SH3BP2: variants seen among roughly 807,000 people sequenced by gnomAD.
SH3BP2 encodes the protein SH3 domain binding protein 2.
Under a neutral mutation model 56.2 loss-of-function variants are expected in SH3BP2, and 38 were observed. The observed-to-expected ratio is 0.68, with a 90% CI of 0.52 to 0.89. The LOEUF is 0.89. SH3BP2 is among the 40% of genes least tolerant of loss of function. SH3BP2 has a pLI of 0.00. For missense variants in SH3BP2, 748 were observed against 762.6 expected, an observed-to-expected ratio of 0.98 and a Z score of 0.23; for synonymous variants, 346 against 316.7, an observed-to-expected ratio of 1.09 and a Z score of -0.98.
intron 1 of SH3BP2, among the ~76,000 whole-genome samples, chr4:2,816,875 G>C (rs897811813): frequency 1.3e-5 from 2 of 152,290 alleles, no homozygotes; most frequent in Admixed American, 1.3e-4. Context: ...TACCCATAAG[G>C]GATATTGGTT....
At position 2,838,911 on chromosome 4, in the gene SH3BP2, A is replaced by G. The variant is rs1725326082; in HGVS notation, c.*5077A>G. On this transcript the variant is annotated 3_prime_UTR_variant, in exon 13 of 13. Transcript: ENST00000503393. ...GAGTCTGACTCCTGGGTTCTAGGGT[A>G]TGAAGATCTTTCTAAATATTGTTCT... is the stretch of plus-strand genomic sequence containing the variant. The G allele has an allele frequency of 6.6e-6, 1 of 152,154 alleles. No homozygotes were observed. Among genetic ancestry groups the G allele is most frequent in the Non-Finnish European group, 1.5e-5 (1 of 68,038 alleles). The allele number at this position is 152,154 out of a possible 1,614,324, so 9.4% of individuals were successfully genotyped here.
intron 5 of SH3BP2, 161 bp from the exon 6 acceptor site, chr4:2,827,069 G>A (rs764057162): frequency 2.8e-6 from 2 of 705,228 alleles, no homozygotes; most frequent in African/African-American, 1.7e-5. Flanking sequence ...GTGTGTGTCT[G>A]TCAGCTTAAC....
At chr4:2,823,172 C>T (rs1207828952) in intron 3 of SH3BP2, 135 bp downstream of exon 3, 2 of 705,416 alleles carry the variant, frequency 2.8e-6, no homozygotes, top group African/African-American at 1.7e-5. Context: ...TGCCCATCCC[C>T]TGTCCTCCCC....
intron 1 of SH3BP2, chr4:2,793,579 C>T (rs533064775): frequency 6.6e-6 from 1 of 151,772 alleles, no homozygotes; most frequent in Non-Finnish European, 1.5e-5. Flanking sequence ...CTGTTTCGCA[C>T]CCCTCGCGCC....
intron 5 of SH3BP2, chr4:2,826,638 G>C (rs1724661122): frequency 3.1e-6 from 1 of 325,474 alleles, no homozygotes; most frequent in Admixed American, 4.4e-5. Context: ...GTGTTGCTCT[G>C]TGTGTGTGTG....
chr4:2,809,828 T>C, intron 1 of SH3BP2: 1 of 985,326 alleles, frequency 1.0e-6, no homozygotes, highest in Non-Finnish European at 1.2e-6. Flanking sequence ...CCACTCATCC[T>C]GGTAAGTGCC....
In SH3BP2 at chr4:2,833,804, G is replaced by A. The variant is rs1457574966; in HGVS notation, c.1656G>A (p.Arg552=). Residue 552 remains arginine, a synonymous_variant, in exon 13 of 13, where the codon CGG becomes CGA. Coordinates refer to ENST00000503393, the MANE Select transcript of SH3BP2 (RefSeq NM_001122681.2). ...VLPSHQSLLL[R]HPYGYTGPR is the part of the protein sequence containing the mutation. ...CCAGCCACCAGAGCCTGCTGCTGCG[G>A]CACCCCTACGGCTACACTGGGCCTA... 4 of 1,587,056 alleles carry A rather than the reference G, an allele frequency of 2.5e-6. No individual in the cohort carries two copies. Among genetic ancestry groups the A allele is most frequent in the Non-Finnish European group, 3.4e-6 (4 of 1,166,818 alleles).
At chr4:2,795,263 C>T (rs1000266564) in intron 1 of SH3BP2, among the ~76,000 whole-genome samples, 4 of 152,210 alleles carry the variant, frequency 2.6e-5, no homozygotes, top group African/African-American at 9.7e-5. Context: ...GGTTCCTGCC[C>T]ACATTGGACT....
In SH3BP2 at chr4:2,795,803, T is replaced by C. The variant is rs116783082; in HGVS notation, c.-5+2665T>C. Among the ~76,000 whole-genome samples, 129 of 152,194 alleles carry C rather than the reference T, an allele frequency of 8.5e-4. 2 individuals carry two copies. Among genetic ancestry groups the C allele is most frequent in the African/African-American group, 3.0e-3 (125 of 41,522 alleles). ...GGTGTGGTGAGGGTATGGAGGGGCC[T>C]GGGAGGCAAGGAGAAGGGGCCGTGC... On this transcript the variant is annotated intron_variant, in intron 1 of 12. Coordinates refer to ENST00000503393, the MANE Select transcript of SH3BP2 (RefSeq NM_001122681.2).
chr4:2,816,882 G>T (rs777263877), intron 1 of SH3BP2, among the ~76,000 whole-genome samples: 26 of 152,266 alleles, frequency 1.7e-4, no homozygotes, highest in Non-Finnish European at 3.1e-4. Flanking sequence ...AAGGGATATT[G>T]GTTTGTAGTT....
intron 1 of SH3BP2, among the ~76,000 whole-genome samples, chr4:2,819,957 G>A (rs926232973): frequency 6.6e-6 from 1 of 152,168 alleles, no homozygotes; most frequent in Non-Finnish European, 1.5e-5. Context: ...TGTGGTCCTC[G>A]CTTGGGCTCA....
At chr4:2,802,695 A>C (rs1039837088) in intron 1 of SH3BP2, among the ~76,000 whole-genome samples, 6 of 137,738 alleles carry the variant, frequency 4.4e-5, no homozygotes, top group Non-Finnish European at 9.3e-5. Flanking sequence ...GTATATATGT[A>C]TGTATGTATA....
chr4:2,816,157 C>T (rs185652295), intron 1 of SH3BP2, among the ~76,000 whole-genome samples: 7 of 152,070 alleles, frequency 4.6e-5, no homozygotes, highest in Admixed American at 2.6e-4. Context: ...CGGGTTCAAG[C>T]GATTCTCCTG....
chr4:2,810,343 C>T lies in SH3BP2; in HGVS notation c.-4-10271C>T, dbSNP rs932291446. Among the ~76,000 whole-genome samples the T allele has an allele frequency of 9.2e-5, 14 of 151,532 alleles. No individual in the cohort carries two copies. Among genetic ancestry groups the T allele is most frequent in the Non-Finnish European group, 2.1e-4 (14 of 67,890 alleles). ...CCCCTGTAGCATCACAGCATTGGACCAGGGCTGTGGGGGGAATGGGCCTGG... is the reference window on the plus strand; with the variant it reads ...CCCCTGTAGCATCACAGCATTGGACTAGGGCTGTGGGGGGAATGGGCCTGG... On this transcript the variant is annotated intron_variant, in intron 1 of 12. Coordinates refer to ENST00000503393, the MANE Select transcript of SH3BP2 (RefSeq NM_001122681.2). The surrounding 1 kb of genome is among the most constrained non-coding windows in gnomAD (Gnocchi z 4.2).
At chr4:2,812,038 T>C (rs1161746474) in intron 1 of SH3BP2, 9 of 556,836 alleles carry the variant, frequency 1.6e-5, no homozygotes, top group African/African-American at 1.6e-4. Context: ...AGCAGGGAGC[T>C]TCCTCCCAGG....
intron 2 of SH3BP2, among the ~76,000 whole-genome samples, chr4:2,822,546 C>T (rs1168298258): frequency 5.9e-5 from 9 of 152,194 alleles, no homozygotes; most frequent in Non-Finnish European, 1.3e-4. Context: ...TAGTCCCCCT[C>T]TTTTAGCTCT....
chr4:2,812,881 G>A (rs1414837082), intron 1 of SH3BP2, among the ~76,000 whole-genome samples: 2 of 152,084 alleles, frequency 1.3e-5, no homozygotes, highest in African/African-American at 4.8e-5. Flanking sequence ...GTGTGTTTCT[G>A]TTGTGGGGGG....
At chr4:2,802,190 G>C (rs1723308224) in intron 1 of SH3BP2, among the ~76,000 whole-genome samples, 1 of 152,180 alleles carries the variant, frequency 6.6e-6, no homozygotes, top group African/African-American at 2.4e-5. Context: ...CCTGAGGTCA[G>C]GAGTTCAAGA....
At chr4:2,832,543 C>T in intron 11 of SH3BP2, 131 bp downstream of exon 11, 1 of 764,324 alleles carries the variant, frequency 1.3e-6, no homozygotes, top group Non-Finnish European at 2.4e-6. Flanking sequence ...CAGCTGAATT[C>T]TCTTCCCAGC....
Sources: gnomAD v4.1 joint callset for allele counts (sites outside exome capture counted in the v4.1 genomes callset) on GRCh38, gnomAD v4.1.1 for gene constraint, Gnocchi (gnomAD v3.1) non-coding constraint, MANE v1.5 for transcripts, NCBI Gene and HGNC (gene_info 2026-07-23, HGNC 2026-07-21) for gene names.